CHST11: variants seen among roughly 807,000 people sequenced by gnomAD.
CHST11 encodes carbohydrate sulfotransferase 11.
Under a neutral mutation model 30.4 loss-of-function variants are expected in CHST11, and 9 were observed. The observed-to-expected ratio is 0.30, with a 90% CI of 0.18 to 0.52. The LOEUF (loss-of-function observed/expected upper bound fraction) is 0.52. Ranked by LOEUF, CHST11 falls within the 20% of genes least tolerant of loss-of-function variation. CHST11 has a pLI of 0.97. For synonymous variants in CHST11, 152 were observed against 187.8 expected (o/e 0.81, Z 1.56); for missense variants, 348 against 460.6 (o/e 0.76, Z 2.24).
chr12:104,606,175 C>G (rs985842419), intron 2 of CHST11, among the ~76,000 whole-genome samples: 153 of 106,998 alleles, frequency 1.4e-3, no homozygotes, highest in African/African-American at 2.7e-3. Context: ...GGGCGGGGGG[C>G]GGGGGGGGGA....
chr12:104,706,814 A>G (rs987957594), intron 2 of CHST11, among the ~76,000 whole-genome samples: 1 of 152,112 alleles, frequency 6.6e-6, no homozygotes, highest in Non-Finnish European at 1.5e-5. Flanking sequence ...TCCCAGGGGG[A>G]AAAAATGAGT....
At chr12:104,576,183 A>C (rs565222782) in intron 1 of CHST11, among the ~76,000 whole-genome samples, 35 of 152,084 alleles carry the variant, frequency 2.3e-4, no homozygotes, top group African/African-American at 8.2e-4. Context: ...GCCTTAGCCT[A>C]CTGTGTCCTC....
In CHST11 at chr12:104,580,237, G is replaced by A. The variant is rs570308172; in HGVS notation, c.119-21669G>A. ...AGAAGGAAGATTTCAGGCTTGAGCTGGAGTACGAAAGGAAATTGAAACTAA... is the reference window on the plus strand; with the variant it reads ...AGAAGGAAGATTTCAGGCTTGAGCTAGAGTACGAAAGGAAATTGAAACTAA... On this transcript the variant is annotated intron_variant, in intron 1 of 2. Coordinates refer to ENST00000303694, the MANE Select transcript of CHST11 (RefSeq NM_018413.6). Among the ~76,000 whole-genome samples the A allele has an allele frequency of 1.5e-3, 235 of 152,276 alleles. 1 individual carries two copies. The highest frequency in any genetic ancestry group is 5.5e-3 in the African/African-American group (228 of 41,564).
At chr12:104,734,413 AC>A (rs2040282163) in intron 2 of CHST11, among the ~76,000 whole-genome samples, 1 of 151,808 alleles carries the variant, frequency 6.6e-6, no homozygotes, top group East Asian at 1.9e-4. Flanking sequence ...TTTAAATCTC[AC>A]CCCGGGCCCG....
chr12:104,631,536 C>T (rs1299568929), intron 2 of CHST11, among the ~76,000 whole-genome samples: 1 of 152,060 alleles, frequency 6.6e-6, no homozygotes, highest in Non-Finnish European at 1.5e-5. Context: ...GGGAAGTTAC[C>T]TCTTCATGGG....
chr12:104,626,766 CCCCTG>C (rs1332009069), intron 2 of CHST11, among the ~76,000 whole-genome samples: 1 of 151,884 alleles, frequency 6.6e-6, no homozygotes, highest in Non-Finnish European at 1.5e-5. Flanking sequence ...TTCCCAGACA[CCCCTG>C]CCCCCAGACA....
intron 1 of CHST11, among the ~76,000 whole-genome samples, chr12:104,543,316 G>A (rs768532057): frequency 1.3e-5 from 2 of 152,168 alleles, no homozygotes; most frequent in Non-Finnish European, 2.9e-5. Flanking sequence ...CTAGGCCCAC[G>A]CCCAACATTA....
intron 2 of CHST11, among the ~76,000 whole-genome samples, chr12:104,607,479 C>T (rs1391815677): frequency 6.6e-6 from 1 of 152,116 alleles, no homozygotes; most frequent in African/African-American, 2.4e-5. Context: ...ATAATAGAAG[C>T]TTTTTGCAAA....
Position 104,596,777 on chromosome 12 carries a change from C to T in CHST11, c.119-5129C>T, listed in dbSNP as rs571023684. Reference sequence around the variant, plus strand: ...TCAGATACATGGTACATTCTCGCTACGTGGTAGTTTATTTTGTGAGATATG... The same window carrying T: ...TCAGATACATGGTACATTCTCGCTATGTGGTAGTTTATTTTGTGAGATATG... On this transcript the variant is annotated intron_variant, in intron 1 of 2. Transcript: ENST00000303694. 1.4e-4 allele frequency among the ~76,000 whole-genome samples: 22 copies of T among 152,288 alleles called. No homozygotes were observed. In the East Asian group the frequency reaches 1.7e-3, roughly 12 times the overall value.
intron 1 of CHST11, among the ~76,000 whole-genome samples, chr12:104,549,954 G>A (rs775941785): frequency 2.6e-5 from 4 of 152,082 alleles, no homozygotes; most frequent in South Asian, 2.1e-4. Context: ...GTTTTGAAAC[G>A]ATGACTCACT....
chr12:104,602,048 C>A, intron 2 of CHST11, 57 bp downstream of exon 2: 2 of 1,217,724 alleles, frequency 1.6e-6, no homozygotes, highest in Non-Finnish European at 2.4e-6. Flanking sequence ...GGTATGGATA[C>A]TAAAAACTCT....
At chr12:104,544,768 G>GCC (rs1555231405) in intron 1 of CHST11, among the ~76,000 whole-genome samples, 1 of 51,984 alleles carries the variant, frequency 1.9e-5, no homozygotes, top group Admixed American at 2.7e-4. Context: ...GGGGGTCACA[G>GCC]TCCCCCCACC....
At chr12:104,725,325 G>A (rs139602062) in intron 2 of CHST11, among the ~76,000 whole-genome samples, 23 of 152,208 alleles carry the variant, frequency 1.5e-4, no homozygotes, top group East Asian at 9.7e-4. Context: ...GCCTGAGGCC[G>A]TGGTGCCGAA....
intron 2 of CHST11, among the ~76,000 whole-genome samples, chr12:104,694,448 A>G (rs765277605): frequency 1.3e-5 from 2 of 152,144 alleles, no homozygotes; most frequent in Non-Finnish European, 2.9e-5. Context: ...GGTGGCCAAG[A>G]TGCCACTTTT....
rs149909824 is a variant in CHST11 at position 104,685,526 on chromosome 12, C to G, written c.205-71423C>G. Among the ~76,000 whole-genome samples, 581 of 152,308 alleles carry G rather than the reference C, an allele frequency of 3.8e-3. 14 individuals carry two copies. The East Asian group carries it at 0.064, about 17-fold the overall frequency. ...ATGTATGGGTTGGCGACCAGGGATT[C>G]AAATACTCATTAAATGTGTGACCTC... On this transcript the variant is annotated intron_variant, in intron 2 of 2. Transcript: ENST00000303694.
chr12:104,688,446 A>G (rs542909420), intron 2 of CHST11, among the ~76,000 whole-genome samples: 8 of 152,344 alleles, frequency 5.3e-5, no homozygotes, highest in African/African-American at 1.7e-4. Context: ...GGCCCCAGAT[A>G]GCAAGGCTCA....
intron 2 of CHST11, among the ~76,000 whole-genome samples, chr12:104,689,261 T>C (rs1307230551): frequency 6.6e-6 from 1 of 152,176 alleles, no homozygotes; most frequent in African/African-American, 2.4e-5. Context: ...ACCTGAAACC[T>C]CAGGGCCATA....
chr12:104,663,695 G>A (rs961222000), intron 2 of CHST11, among the ~76,000 whole-genome samples: 1 of 152,162 alleles, frequency 6.6e-6, no homozygotes, highest in African/African-American at 2.4e-5. Context: ...CAAGTGCATT[G>A]TGCCGTTGTA....
At position 104,485,184 on chromosome 12, in the gene CHST11, G is replaced by A. The variant is rs376621243; in HGVS notation, c.118+27655G>A. ...CCTGAGTCTCACTCAAAATGCAGCC[G>A]TGGGGCCTGGGAATCTATTTAACAG... On this transcript the variant is annotated intron_variant, in intron 1 of 2. Transcript: ENST00000303694. Among the ~76,000 whole-genome samples, 3 of 152,244 alleles carry A rather than the reference G, an allele frequency of 2.0e-5. No homozygotes were observed. The South Asian group carries it at 6.2e-4, about 32-fold the overall frequency.
Sources: allele counts gnomAD v4.1 joint callset (sites outside exome capture counted in the v4.1 genomes callset), GRCh38; gene constraint gnomAD v4.1.1; transcripts MANE v1.5; gene names NCBI Gene and HGNC (gene_info 2026-07-23, HGNC 2026-07-21).